Variants in ASH1L observed in about 807,000 individuals in gnomAD.
The protein encoded by ASH1L is histone-lysine N-methyltransferase ASH1L.
Under a neutral mutation model 269.0 loss-of-function variants are expected in ASH1L, and 23 were observed. That is an observed-to-expected ratio of 0.09 (90% CI 0.06 to 0.12). ASH1L has a LOEUF of 0.12. Ranked by LOEUF, ASH1L falls within the 10% of genes least tolerant of loss-of-function variation. ASH1L has a pLI of 1.00. For synonymous variants in ASH1L, 1,187 were observed against 1,253.5 expected (o/e 0.95, Z 1.12); for missense variants, 2,912 against 3,567.8 (o/e 0.82, Z 4.68).
At position 155,426,285 on chromosome 1, in the gene ASH1L, G is replaced by T. The variant is rs180799774; in HGVS notation, c.5829-10362C>A. The stretch of plus-strand genomic sequence containing the variant: ...GGGTTTCACCATGTTGCCCAGGCTG[G>T]TCTCGAACTCCTGAGCTCAAGCAAT... On this transcript the variant is annotated intron_variant, in intron 5 of 27. Coordinates refer to ENST00000392403, the MANE Select transcript of ASH1L (RefSeq NM_018489.3). Among the ~76,000 whole-genome samples the T allele has an allele frequency of 3.3e-3, 496 of 151,918 alleles. 3 individuals carry two copies. Among genetic ancestry groups the T allele is most frequent in the African/African-American group, 0.012 (479 of 41,412 alleles).
intron 7 of ASH1L, among the ~76,000 whole-genome samples, chr1:155,392,696 C>G (rs1482663822): frequency 6.6e-6 from 1 of 152,062 alleles, no homozygotes; most frequent in African/African-American, 2.4e-5. Context: ...ACCATGTTGG[C>G]CAGGCTGGTC....
chr1:155,493,939 G>T (rs1029845400), intron 2 of ASH1L, among the ~76,000 whole-genome samples: 1 of 152,058 alleles, frequency 6.6e-6, no homozygotes, highest in Non-Finnish European at 1.5e-5. Flanking sequence ...GAGCACTGAG[G>T]ATAACAGCAG....
chr1:155,484,770 A>C lies in ASH1L; in HGVS notation c.421-2321T>G, dbSNP rs184998954. Among the ~76,000 whole-genome samples the C allele has an allele frequency of 8.6e-5, 13 of 150,568 alleles. No homozygotes were observed. In the East Asian group the frequency reaches 2.6e-3, roughly 30 times the overall value. ...ATGGTGAAACCCCATCTCTACTAAA[A>C]CTACAAATATCAGCCGGACGTGGTG... On this transcript the variant is annotated intron_variant, in intron 2 of 27. Transcript: ENST00000392403.
chr1:155,486,752 AATATTTTTAAAC>A (rs1229934028), intron 2 of ASH1L, among the ~76,000 whole-genome samples: 1 of 152,120 alleles, frequency 6.6e-6, no homozygotes, highest in Non-Finnish European at 1.5e-5. Flanking sequence ...GTTTGTTTTA[AATATTTTTAAAC>A]ATATTTATGC....
In ASH1L at chr1:155,478,815, C is replaced by T; in HGVS notation, c.4055G>A (p.Arg1352Lys). The T allele has an allele frequency of 6.2e-7, 1 of 1,614,056 alleles. No individual in the cohort carries two copies. The highest frequency in any genetic ancestry group is 8.5e-7 in the Non-Finnish European group (1 of 1,180,014). The change falls in exon 3 of 28, where the codon AGA becomes AAA. Residue 1352 changes from arginine (R) to lysine (K), a missense_variant. Transcript: ENST00000392403. The surrounding 1 kb of genome is among the most constrained non-coding windows in gnomAD (Gnocchi z 4.6). ...RKPDLKKKRG[R>K]PPKMREAMAE... ...CATTGCCTCCCTCATCTTAGGGGGT[C>T]TCCCTCTTTTCTTTTTTAAGTCAGG... is the stretch of plus-strand genomic sequence containing the variant.
At chr1:155,535,318 C>T (rs1420974094) in intron 1 of ASH1L, among the ~76,000 whole-genome samples, 3 of 151,176 alleles carry the variant, frequency 2.0e-5, no homozygotes, top group Non-Finnish European at 4.4e-5. Context: ...CAGCCTCAAA[C>T]TCTGGAGCTC....
At chr1:155,554,161 T>TGC (rs901656032) in intron 1 of ASH1L, among the ~76,000 whole-genome samples, 1 of 151,732 alleles carries the variant, frequency 6.6e-6, no homozygotes. Flanking sequence ...TACAGTTTAC[T>TGC]GCAGCCTCAA....
At chr1:155,502,975 C>T (rs551431642) in intron 2 of ASH1L, among the ~76,000 whole-genome samples, 23 of 152,118 alleles carry the variant, frequency 1.5e-4, no homozygotes, top group Middle Eastern at 3.2e-3. Flanking sequence ...TTATAATCAA[C>T]AAACAGCTTA....
Position 155,479,850 on chromosome 1 carries a change from T to G in ASH1L, c.3020A>C (p.Glu1007Ala). The change falls in exon 3 of 28, where the codon GAA becomes GCA. Residue 1007 changes from glutamate to alanine, a missense_variant. Transcript: ENST00000392403. ...LLNQILSSSV[E>A]SSNKGKVQSK... ...TTGCACTTTCCCTTTATTACTTGAT[T>G]CTACAGAACTTGAAAGAATCTGATT... is the stretch of plus-strand genomic sequence containing the variant. 1 of 1,613,760 alleles carries G rather than the reference T, an allele frequency of 6.2e-7. No individual in the cohort carries two copies. Among genetic ancestry groups the G allele is most frequent in the Non-Finnish European group, 8.5e-7 (1 of 1,179,898 alleles).
chr1:155,455,199 AAC>A (rs1663789042), intron 4 of ASH1L, among the ~76,000 whole-genome samples: 1 of 152,210 alleles, frequency 6.6e-6, no homozygotes, highest in South Asian at 2.1e-4. Flanking sequence ...TGTAAACTTT[AAC>A]AGAGTATTTG....
intron 6 of ASH1L, among the ~76,000 whole-genome samples, chr1:155,413,561 C>G (rs187485729): frequency 6.6e-6 from 1 of 152,250 alleles, no homozygotes; most frequent in East Asian, 1.9e-4. Context: ...GAGCCGAGAT[C>G]GTGCCATTGC....
At chr1:155,462,972 A>ACTGGAAAGTGATGCT (rs1664417287) in intron 3 of ASH1L, among the ~76,000 whole-genome samples, 1 of 152,198 alleles carries the variant, frequency 6.6e-6, no homozygotes, top group African/African-American at 2.4e-5. Flanking sequence ...CAAGTTTAAG[A>ACTGGAAAGTGATGCT]CTGGAAAGTG....
At chr1:155,369,854 C>T (rs1471556507) in intron 12 of ASH1L, among the ~76,000 whole-genome samples, 3 of 152,184 alleles carry the variant, frequency 2.0e-5, no homozygotes, top group Admixed American at 6.5e-5. Flanking sequence ...ACTGCAACCT[C>T]GGCCTCCCGG....
intron 10 of ASH1L, 150 bp from the exon 11 acceptor site, chr1:155,371,133 A>G (rs1238150859): frequency 1.1e-5 from 8 of 721,100 alleles, no homozygotes; most frequent in Non-Finnish European, 1.8e-5. Flanking sequence ...AAAATAATAA[A>G]TGTCAAAAAT....
chr1:155,476,152 C>T (rs1033169172), intron 3 of ASH1L, among the ~76,000 whole-genome samples: 2 of 151,996 alleles, frequency 1.3e-5, no homozygotes, highest in Non-Finnish European at 2.9e-5. Flanking sequence ...TTTGGGAGGC[C>T]GAGGTGGGCG....
rs189590412 is a variant in ASH1L at position 155,478,509 on chromosome 1, G to T, written c.4361C>A (p.Thr1454Lys). The T allele has an allele frequency of 2.2e-5, 35 of 1,614,114 alleles. No individual in the cohort carries two copies. Among genetic ancestry groups the T allele is most frequent in the Middle Eastern group, 1.6e-4 (1 of 6,062 alleles). The change falls in exon 3 of 28, where the codon ACA becomes AAA. Residue 1454 changes from threonine to lysine, a missense_variant. Coordinates refer to ENST00000392403, the MANE Select transcript of ASH1L (RefSeq NM_018489.3). This position sits in a 1 kb window ranked among gnomAD's most constrained non-coding sequence, Gnocchi z 4.6. The part of the protein sequence containing the change: ...HKLLRQEAFL[T>K]TSRTPLLSMS... ...GGAAAGGAGGGGAGTCCTGCTGGTT[G>T]TAAGAAAGGCCTCCTGTCGAAGTAG... is the stretch of plus-strand genomic sequence containing the variant.
intron 5 of ASH1L, chr1:155,434,187 C>T (rs1183691756): frequency 7.5e-6 from 12 of 1,593,584 alleles, no homozygotes; most frequent in African/African-American, 6.7e-5. Flanking sequence ...CTGTACTCCT[C>T]GGTCCCTTTC....
rs139634283 is a variant in ASH1L at position 155,554,865 on chromosome 1, G to A, written c.-100+7288C>T. ...TGTTAAAGTAAATTAAACTCAGCTG[G>A]GTGTGGTGGCTCACACCTGTAATCG... On this transcript the variant is annotated intron_variant, in intron 1 of 27. Coordinates refer to ENST00000392403, the MANE Select transcript of ASH1L (RefSeq NM_018489.3). Among the ~76,000 whole-genome samples the A allele has an allele frequency of 1.8e-4, 27 of 152,216 alleles. No homozygotes were observed. The East Asian group carries it at 5.0e-3, about 28-fold the overall frequency.
intron 4 of ASH1L, among the ~76,000 whole-genome samples, chr1:155,454,812 G>A (rs1663762636): frequency 6.6e-6 from 1 of 152,008 alleles, no homozygotes; most frequent in Non-Finnish European, 1.5e-5. Context: ...AAAATCACTA[G>A]CATATTTTAT....
Sources: allele counts gnomAD v4.1 joint callset (sites outside exome capture counted in the v4.1 genomes callset), GRCh38; gene constraint gnomAD v4.1.1; non-coding constraint Gnocchi (gnomAD v3.1); transcripts MANE v1.5; gene names NCBI Gene and HGNC (gene_info 2026-07-23, HGNC 2026-07-21).